ARHGAP18: variants seen among roughly 807,000 people sequenced by gnomAD.
ARHGAP18 encodes Rho GTPase activating protein 18.
In ARHGAP18, 67 loss-of-function variants were observed where a neutral mutation model predicts 86.2. That is an observed-to-expected ratio of 0.78 (90% CI 0.64 to 0.95). The LOEUF is 0.95. ARHGAP18 is among the 40% of genes least tolerant of loss of function. The pLI is 0.00. For missense variants in ARHGAP18, 691 were observed against 780.4 expected (o/e 0.89, Z 1.37); for synonymous variants, 283 against 280.4 (o/e 1.01, Z -0.09).
intron 5 of ARHGAP18, among the ~76,000 whole-genome samples, chr6:129,626,465 A>T (rs1397461254): frequency 6.6e-6 from 1 of 152,032 alleles, no homozygotes; most frequent in East Asian, 1.9e-4. Flanking sequence ...ATTGGACTAT[A>T]TAAGTATTTT....
At chr6:129,705,959 T>C (rs1774795460) in intron 1 of ARHGAP18, among the ~76,000 whole-genome samples, 1 of 152,214 alleles carries the variant, frequency 6.6e-6, no homozygotes, top group Admixed American at 6.5e-5. Context: ...GCCTCTTGTT[T>C]CTGCCTACCC....
chr6:129,640,471 A>G (rs184620886), intron 2 of ARHGAP18, among the ~76,000 whole-genome samples: 1 of 152,242 alleles, frequency 6.6e-6, no homozygotes, highest in East Asian at 1.9e-4. Flanking sequence ...GGTGAGAGAT[A>G]CTATTAATTA....
chr6:129,595,843 T>G (rs1230233226), intron 12 of ARHGAP18, among the ~76,000 whole-genome samples: 1 of 152,170 alleles, frequency 6.6e-6, no homozygotes, highest in Non-Finnish European at 1.5e-5. Context: ...TTGAAAGCAA[T>G]ACCATCCTTC....
chr6:129,618,698 A>G lies in ARHGAP18; in HGVS notation c.941T>C (p.Ile314Thr). Residue 314 changes from isoleucine to threonine, a missense_variant, in exon 6 of 15, where the codon ATC (isoleucine) becomes ACC (threonine). Coordinates refer to ENST00000368149, the MANE Select transcript of ARHGAP18 (RefSeq NM_033515.3). The part of the protein sequence containing the change: ...IELKQQKAVK[I>T]KTKDSGLFCV... ...CATTTCATGATTACCTTTTGTTTTG[A>G]TTTTCACAGCTTTTTGTTGTTTCAG... 2 of 1,604,846 alleles carry G rather than the reference A, an allele frequency of 1.2e-6. No individual in the cohort carries two copies. The highest frequency in any genetic ancestry group is 2.7e-5 in the African/African-American group (2 of 74,700).
chr6:129,670,922 T>C (rs1011248948), intron 1 of ARHGAP18, among the ~76,000 whole-genome samples: 2 of 152,170 alleles, frequency 1.3e-5, no homozygotes, highest in African/African-American at 4.8e-5. Context: ...ATTCCCAATC[T>C]GATGTCAGTT....
At chr6:129,686,461 CCACCAG>C (rs1774425799) in intron 1 of ARHGAP18, among the ~76,000 whole-genome samples, 1 of 152,216 alleles carries the variant, frequency 6.6e-6, no homozygotes, top group African/African-American at 2.4e-5. Flanking sequence ...GCCTACCACT[CCACCAG>C]TAAGATATGA....
chr6:129,627,463 C>A (rs908793581), intron 5 of ARHGAP18, among the ~76,000 whole-genome samples: 5 of 151,924 alleles, frequency 3.3e-5, no homozygotes, highest in Non-Finnish European at 7.4e-5. Flanking sequence ...TGACTCCCCC[C>A]CAAAAAAGTG....
intron 1 of ARHGAP18, among the ~76,000 whole-genome samples, chr6:129,683,948 A>G (rs1774376339): frequency 6.6e-6 from 1 of 152,252 alleles, no homozygotes; most frequent in African/African-American, 2.4e-5. Flanking sequence ...TGAAAAGAGA[A>G]GGAGCTCAAA....
intron 1 of ARHGAP18, among the ~76,000 whole-genome samples, chr6:129,654,851 A>T (rs1773793531): frequency 6.6e-6 from 1 of 151,982 alleles, no homozygotes; most frequent in Non-Finnish European, 1.5e-5. Context: ...CTGCTACATC[A>T]CTTTCCTGAG....
intron 1 of ARHGAP18, among the ~76,000 whole-genome samples, chr6:129,642,681 T>C (rs1773494371): frequency 6.6e-6 from 1 of 152,244 alleles, no homozygotes; most frequent in Non-Finnish European, 1.5e-5. Context: ...GAATGAATTT[T>C]ATATAATTCT....
intron 1 of ARHGAP18, among the ~76,000 whole-genome samples, chr6:129,652,427 C>G (rs1773735013): frequency 6.6e-6 from 1 of 152,190 alleles, no homozygotes; most frequent in African/African-American, 2.4e-5. Flanking sequence ...TGTTTCCTTT[C>G]TGAGAAATCT....
intron 8 of ARHGAP18, among the ~76,000 whole-genome samples, chr6:129,611,269 T>C (rs1788973680): frequency 6.6e-6 from 1 of 152,176 alleles, no homozygotes; most frequent in African/African-American, 2.4e-5. Context: ...CCCCACGCCA[T>C]TAATATTTTA....
chr6:129,664,085 C>T (rs1267482020), intron 1 of ARHGAP18, among the ~76,000 whole-genome samples: 1 of 152,250 alleles, frequency 6.6e-6, no homozygotes, highest in Non-Finnish European at 1.5e-5. Flanking sequence ...GCTATGCTAT[C>T]TATGGGTCCC....
chr6:129,641,995 A>T lies in ARHGAP18; in HGVS notation c.137T>A (p.Met46Lys), dbSNP rs188042743. 9 of 1,613,982 alleles carry T rather than the reference A, an allele frequency of 5.6e-6. No homozygotes were observed. The Admixed American group carries it at 1.2e-4, about 21-fold the overall frequency. ...TSSRRYGQYTMNQESTTIKVM... is the reference protein window; with the variant it reads ...TSSRRYGQYTKNQESTTIKVM... The stretch of plus-strand genomic sequence containing the variant: ...TTTGATGGTGGTGCTTTCCTGGTTC[A>T]TAGTGTACTGGCCATATCTGCGACT... The change falls in exon 2 of 15, where the codon ATG becomes AAG. Residue 46 changes from methionine to lysine, a missense_variant. Physicochemically the swap from Met to Lys is moderately conservative, Grantham distance 95. Coordinates refer to ENST00000368149, the MANE Select transcript of ARHGAP18 (RefSeq NM_033515.3).
chr6:129,589,503 A>G (rs1395883972), intron 12 of ARHGAP18, among the ~76,000 whole-genome samples: 1 of 152,172 alleles, frequency 6.6e-6, no homozygotes, highest in Non-Finnish European at 1.5e-5. Flanking sequence ...AAGCCATTCA[A>G]TGAGTCTCTA....
chr6:129,690,124 C>CAT (rs1554344022), intron 1 of ARHGAP18, among the ~76,000 whole-genome samples: 3 of 150,058 alleles, frequency 2.0e-5, no homozygotes, highest in Non-Finnish European at 4.4e-5. Flanking sequence ...CCCATGTAAA[C>CAT]GTGTGTGTGT....
chr6:129,609,490 C>T (rs777478440), intron 8 of ARHGAP18, among the ~76,000 whole-genome samples: 4 of 152,126 alleles, frequency 2.6e-5, no homozygotes, highest in Non-Finnish European at 5.9e-5. Flanking sequence ...CTGGCCATTG[C>T]AGTCTGCTAG....
intron 1 of ARHGAP18, among the ~76,000 whole-genome samples, chr6:129,660,079 AG>A (rs1324538975): frequency 6.6e-6 from 1 of 152,164 alleles, no homozygotes; most frequent in East Asian, 1.9e-4. Flanking sequence ...GGCACCAGAT[AG>A]GGGGTTGGGG....
chr6:129,702,407 T>C (rs972581961), intron 1 of ARHGAP18, among the ~76,000 whole-genome samples: 6 of 152,156 alleles, frequency 3.9e-5, no homozygotes, highest in African/African-American at 4.8e-5. Context: ...CTCTATCCCT[T>C]TTTTATCGAA....
Sources: allele counts gnomAD v4.1 joint callset (sites outside exome capture counted in the v4.1 genomes callset), GRCh38; gene constraint gnomAD v4.1.1; transcripts MANE v1.5; gene names NCBI Gene and HGNC (gene_info 2026-07-23, HGNC 2026-07-21).